Variants in RFFL observed in about 807,000 individuals in gnomAD.
The protein encoded by RFFL is E3 ubiquitin-protein ligase rififylin.
A neutral mutation model predicts 40.4 loss-of-function variants in RFFL; 16 were observed. The ratio of observed to expected loss-of-function variants is 0.40; its 90% confidence interval spans 0.27 to 0.60. The LOEUF (loss-of-function observed/expected upper bound fraction) is 0.60. RFFL is among the 20% of genes least tolerant of loss of function. The pLI is 0.47. For synonymous variants in RFFL, 154 were observed against 167.9 expected, an observed-to-expected ratio of 0.92 and a Z score of 0.64; for missense variants, 367 against 451.7, an observed-to-expected ratio of 0.81 and a Z score of 1.70.
Position 35,011,591 on chromosome 17 carries a change from CA to C in RFFL, c.*376del. 5.5e-6 allele frequency: 1 copy of C among 182,392 alleles called. No individual in the cohort carries two copies. The highest frequency in any genetic ancestry group is 1.4e-4 in the South Asian group (1 of 7,364). The allele number at this position is 182,392 out of a possible 1,614,324, so 11.3% of individuals were successfully genotyped here. ...ACTTCTGATTGATGAAACACATGGGCAAGCATCTCCCATATGGGGTGGGGAT... is the reference window on the plus strand; with the variant it reads ...ACTTCTGATTGATGAAACACATGGGCAGCATCTCCCATATGGGGTGGGGAT... On this transcript the variant is annotated 3_prime_UTR_variant, in exon 7 of 7. Transcript: ENST00000394597.
chr17:35,064,870 G>A, upstream of RFFL, among the ~76,000 whole-genome samples: 1 of 152,136 alleles, frequency 6.6e-6, no homozygotes, highest in Non-Finnish European at 1.5e-5. Context: ...TATTCAAGGG[G>A]CTAGTTTTAA....
At chr17:35,057,166 G>A (rs1282284664) in intron 1 of RFFL, among the ~76,000 whole-genome samples, 1 of 151,766 alleles carries the variant, frequency 6.6e-6, no homozygotes, top group African/African-American at 2.4e-5. Context: ...TGATCCACCT[G>A]CCTCAGCCTC....
At chr17:35,029,178 A>G (rs576389146) in intron 1 of RFFL, among the ~76,000 whole-genome samples, 1 of 152,058 alleles carries the variant, frequency 6.6e-6, no homozygotes, top group Admixed American at 6.5e-5. Context: ...TCCTAGAATA[A>G]GAATTGCAAG....
In RFFL at chr17:35,021,326, C is replaced by T. The variant is rs765044430; in HGVS notation, c.591+45G>A. 6.0e-6 allele frequency: 9 copies of T among 1,495,656 alleles called. No homozygotes were observed. In the East Asian group the frequency reaches 1.9e-4, roughly 31 times the overall value. The allele number at this position is 1,495,656 out of a possible 1,614,324, so 92.6% of individuals were successfully genotyped here. On this transcript the variant is annotated intron_variant, in intron 3 of 6. Coordinates refer to ENST00000394597, the MANE Select transcript of RFFL (RefSeq NM_001017368.2). ...GCAGGAGAGGAAAATGAAAATGAGC[C>T]CTCAAACTGGCACAGACTGGCAGAG...
chr17:35,084,958 T>C (rs2091422031), intron 1 of RFFL, among the ~76,000 whole-genome samples: 1 of 151,856 alleles, frequency 6.6e-6, no homozygotes, highest in Admixed American at 6.6e-5. Flanking sequence ...TTAATAAAAA[T>C]AAAAGGTAGC....
At chr17:35,019,151 C>T (rs1287739639) in intron 3 of RFFL, among the ~76,000 whole-genome samples, 3 of 152,176 alleles carry the variant, frequency 2.0e-5, no homozygotes, top group African/African-American at 7.2e-5. Context: ...GACAGTACTG[C>T]GTAAGTTACT....
intron 1 of RFFL, among the ~76,000 whole-genome samples, chr17:35,081,532 A>G (rs1043458472): frequency 6.6e-6 from 1 of 152,200 alleles, no homozygotes; most frequent in Non-Finnish European, 1.5e-5. Flanking sequence ...TTTCCTCAAG[A>G]GATGTAGAAA....
chr17:35,053,870 C>A (rs74818874), intron 1 of RFFL, among the ~76,000 whole-genome samples: 8 of 152,310 alleles, frequency 5.3e-5, no homozygotes, highest in African/African-American at 1.9e-4. Context: ...ATCCCGTTAA[C>A]GGAAAAGGAA....
intron 1 of RFFL, among the ~76,000 whole-genome samples, chr17:35,058,500 C>T (rs149137133): frequency 0.023 from 3,452 of 152,228 alleles, 158 homozygotes; most frequent in African/African-American, 0.079. Context: ...AGGCCAGGTG[C>T]GGTGGCTCAC....
chr17:35,014,534 G>A (rs1280445753), intron 6 of RFFL, among the ~76,000 whole-genome samples: 1 of 152,124 alleles, frequency 6.6e-6, no homozygotes, highest in Admixed American at 6.5e-5. Context: ...CCGCCCCTAC[G>A]TATGCTCCAC....
intron 2 of RFFL, among the ~76,000 whole-genome samples, chr17:35,023,447 A>C (rs958590887): frequency 6.6e-6 from 1 of 152,258 alleles, no homozygotes. Context: ...TACAGTTATA[A>C]CCAAACAATA....
intron 4 of RFFL, 148 bp from the exon 5 acceptor site, chr17:35,016,728 T>C (rs1315526294): frequency 4.8e-6 from 3 of 629,000 alleles, no homozygotes; most frequent in Non-Finnish European, 8.4e-6. Flanking sequence ...CCTGGCATGG[T>C]GCTCTGCATT....
Position 35,021,693 on chromosome 17 carries a change from C to A in RFFL, c.269G>T (p.Arg90Leu), listed in dbSNP as rs778758723. 4.3e-6 allele frequency: 7 copies of A among 1,614,220 alleles called. No individual in the cohort carries two copies. The East Asian group carries it at 1.6e-4, about 36-fold the overall frequency. ...TCGCTGAAAGGCTGTAGCTCGAAACCGTTGGCAGAGAAGGCAGAGGCGGGG... is the reference window on the plus strand; with the variant it reads ...TCGCTGAAAGGCTGTAGCTCGAAACAGTTGGCAGAGAAGGCAGAGGCGGGG... ...NGPRLCLLCQ[R>L]FRATAFQREE... is the part of the protein sequence containing the mutation. The change falls in exon 3 of 7, where the codon CGG becomes CTG. Residue 90 changes from arginine (R) to leucine (L), a missense_variant. Coordinates refer to ENST00000394597, the MANE Select transcript of RFFL (RefSeq NM_001017368.2).
Position 35,011,975 on chromosome 17 carries a change from C to A in RFFL, c.1085G>T (p.Arg362Leu). The A allele has an allele frequency of 6.2e-7, 1 of 1,613,852 alleles. No homozygotes were observed. The highest frequency in any genetic ancestry group is 8.5e-7 in the Non-Finnish European group (1 of 1,179,860). ...QYVIRAVHVF[R>L]S is the part of the protein sequence containing the mutation. ...AGAAACCGATGCAAGCTCTCAGGAC[C>A]GGAAGACATGCACAGCTCGGATTAC... Residue 362 changes from arginine to leucine, a missense_variant, in exon 7 of 7, where the codon CGG becomes CTG. Physicochemically the swap from Arg to Leu is moderately radical, Grantham distance 102 (BLOSUM62 -2). Coordinates refer to ENST00000394597, the MANE Select transcript of RFFL (RefSeq NM_001017368.2).
At chr17:35,069,393 A>G in intron 1 of RFFL, 1 of 455,026 alleles carries the variant, frequency 2.2e-6, no homozygotes, top group Non-Finnish European at 4.4e-6. Flanking sequence ...GTTCACCTAC[A>G]GTTAATCTTC....
At chr17:35,035,506 G>T (rs1401305366) in intron 1 of RFFL, among the ~76,000 whole-genome samples, 2 of 151,674 alleles carry the variant, frequency 1.3e-5, no homozygotes, top group Non-Finnish European at 2.9e-5. Flanking sequence ...GTGGGGAAGG[G>T]GGTTATTACA....
chr17:35,059,106 C>T (rs1023513929), intron 1 of RFFL, among the ~76,000 whole-genome samples: 3 of 150,914 alleles, frequency 2.0e-5, no homozygotes, highest in Admixed American at 2.0e-4. Context: ...GCAACCTCCG[C>T]CTCCCATGTT....
chr17:35,026,335 G>A lies in RFFL; in HGVS notation c.180+39C>T, dbSNP rs770338854. The A allele has an allele frequency of 1.3e-5, 21 of 1,603,876 alleles. No individual in the cohort carries two copies. In the Admixed American group the frequency reaches 3.5e-4, roughly 27 times the overall value. ...CAGTGGCGCTTGCCCATGGTCCATA[G>A]GCTGCAGTGGCAGAGCAGGCCAAGA... On this transcript the variant is annotated intron_variant, in intron 2 of 6. Coordinates refer to ENST00000394597, the MANE Select transcript of RFFL (RefSeq NM_001017368.2).
chr17:35,022,961 C>T (rs953632630), intron 2 of RFFL, among the ~76,000 whole-genome samples: 1 of 152,220 alleles, frequency 6.6e-6, no homozygotes, highest in Non-Finnish European at 1.5e-5. Context: ...GGAAGGCTTA[C>T]TCAGCCCACA....
Sources: allele counts gnomAD v4.1 joint callset (sites outside exome capture counted in the v4.1 genomes callset), GRCh38; gene constraint gnomAD v4.1.1; transcripts MANE v1.5; gene names NCBI Gene and HGNC (gene_info 2026-07-23, HGNC 2026-07-21).